PDXDC1: variants seen among roughly 807,000 people sequenced by gnomAD.
The protein encoded by PDXDC1 is pyridoxal dependent decarboxylase domain containing 1, also known as pyridoxal-dependent decarboxylase domain-containing protein 1.
In PDXDC1, 42 loss-of-function variants were observed where a neutral mutation model predicts 100.1. The ratio of observed to expected loss-of-function variants is 0.42; its 90% CI spans 0.33 to 0.54. The LOEUF is 0.54. Ranked by LOEUF, PDXDC1 falls within the 20% of genes least tolerant of loss-of-function variation. The pLI, the probability that PDXDC1 is intolerant of heterozygous loss-of-function variation, is 0.10. For missense variants in PDXDC1, 636 were observed against 979.2 expected, an observed-to-expected ratio of 0.65 and a Z score of 4.68; for synonymous variants, 260 against 371.7, an observed-to-expected ratio of 0.70 and a Z score of 3.46.
chr16:15,122,764 G>A (rs1428014099), intron 16 of PDXDC1, among the ~76,000 whole-genome samples: 1 of 145,448 alleles, frequency 6.9e-6, no homozygotes, highest in African/African-American at 2.5e-5. Flanking sequence ...AGAGGTGGAG[G>A]TGGCTTAGGG....
intron 16 of PDXDC1, among the ~76,000 whole-genome samples, chr16:15,073,663 G>A (rs146010070): frequency 2.6e-5 from 4 of 152,096 alleles, no homozygotes; most frequent in African/African-American, 9.7e-5. Context: ...CCTCTAATCC[G>A]ATCATTTTAC....
At position 15,111,976 on chromosome 16, in the gene PDXDC1, C is replaced by T. The variant is rs556479730; in HGVS notation, c.1400-26903C>T. ...TCCTTCCTGATCTGCACTGGAGCAT[C>T]TTTCTTCTGTCCCTGCTCTACTCAG... On this transcript the variant is annotated intron_variant, in intron 16 of 16. Transcript: ENST00000535621. Among the ~76,000 whole-genome samples the T allele has an allele frequency of 3.7e-4, 54 of 147,918 alleles. 2 individuals are homozygous for T. In the South Asian group the frequency reaches 0.012, roughly 32 times the overall value.
intron 16 of PDXDC1, among the ~76,000 whole-genome samples, chr16:15,102,580 G>A (rs996064780): frequency 7.3e-5 from 11 of 151,392 alleles, no homozygotes; most frequent in African/African-American, 2.7e-4. Context: ...CCAAGCTTGG[G>A]CACAGCCAGG....
chr16:15,152,162 C>T, the PDXDC1 span, among the ~76,000 whole-genome samples: 2 of 133,062 alleles, frequency 1.5e-5, no homozygotes, highest in African/African-American at 5.2e-5. Context: ...GCCTCAGAAG[C>T]CCCGGCTGTC....
intron 16 of PDXDC1, chr16:15,063,203 A>T (rs748730343): frequency 1.9e-6 from 3 of 1,605,194 alleles, no homozygotes; most frequent in Non-Finnish European, 1.7e-6. Flanking sequence ...GACCTTTTTC[A>T]TGGGTTTCTT....
intron 6 of PDXDC1, among the ~76,000 whole-genome samples, chr16:15,007,157 CTTTTTTTTTTTT>C (rs56256230): frequency 9.5e-5 from 7 of 73,950 alleles, no homozygotes; most frequent in East Asian, 7.5e-4. Context: ...AAGAGCATGA[CTTTTTTTTTTTT>C]TTTTTTTTTT....
chr16:15,111,987 C>T (rs1726019603), intron 16 of PDXDC1, among the ~76,000 whole-genome samples: 1 of 147,706 alleles, frequency 6.8e-6, no homozygotes, highest in African/African-American at 2.4e-5. Context: ...TTTCTTCTGT[C>T]CCTGCTCTAC....
At chr16:15,100,962 G>C (rs2046523575) in intron 16 of PDXDC1, among the ~76,000 whole-genome samples, 1 of 152,148 alleles carries the variant, frequency 6.6e-6, no homozygotes, top group Non-Finnish European at 1.5e-5. Context: ...TCCTGCAACA[G>C]GGACGCTATC....
At chr16:15,148,283 C>A in the PDXDC1 span, among the ~76,000 whole-genome samples, 1 of 151,664 alleles carries the variant, frequency 6.6e-6, no homozygotes, top group Admixed American at 6.6e-5. Context: ...TTCCGTTTCC[C>A]TCATGACTAA....
At chr16:15,001,557 A>G (rs1973157405) in intron 3 of PDXDC1, among the ~76,000 whole-genome samples, 3 of 152,420 alleles carry the variant, frequency 2.0e-5, no homozygotes, top group Admixed American at 1.3e-4. Flanking sequence ...TAGGTAGAAG[A>G]TTTATTTAAC....
chr16:15,074,262 AT>A (rs1293333108), intron 16 of PDXDC1, among the ~76,000 whole-genome samples: 1 of 152,202 alleles, frequency 6.6e-6, no homozygotes, highest in Non-Finnish European at 1.5e-5. Context: ...AGCAATGTGA[AT>A]GGAAAAAAAT....
At chr16:15,084,682 A>G (rs1410171387) in intron 16 of PDXDC1, 6 of 1,612,968 alleles carry the variant, frequency 3.7e-6, no homozygotes, top group Non-Finnish European at 4.2e-6. Context: ...GCTCTGTGAC[A>G]TGTGTCAAAA....
At chr16:15,131,999 G>A (rs559448143) in intron 16 of PDXDC1, among the ~76,000 whole-genome samples, 1 of 14,970 alleles carries the variant, frequency 6.7e-5, no homozygotes, top group African/African-American at 3.1e-4. Context: ...AGGGGGATAA[G>A]GGAGGGGAAG....
downstream of PDXDC1, among the ~76,000 whole-genome samples, chr16:15,140,598 C>G (rs1400779505): frequency 6.6e-6 from 1 of 152,144 alleles, no homozygotes; most frequent in Non-Finnish European, 1.5e-5. Flanking sequence ...TGTCAGCAGT[C>G]AGTGAAGAAA....
chr16:15,033,164 C>A, intron 18 of PDXDC1, 114 bp from the exon 19 acceptor site: 1 of 1,221,736 alleles, frequency 8.2e-7, no homozygotes, highest in Non-Finnish European at 1.2e-6. Flanking sequence ...CCCTTAGAAT[C>A]TCCATGGAGG....
chr16:15,044,589 C>G, intron 16 of PDXDC1: 1 of 602,234 alleles, frequency 1.7e-6, no homozygotes, highest in Non-Finnish European at 3.0e-6. Flanking sequence ...TGGCGAGCTT[C>G]TGGGGACCCT....
chr16:15,035,942 C>T, intron 22 of PDXDC1, 74 bp from the exon 23 acceptor site: 1 of 1,422,196 alleles, frequency 7.0e-7, no homozygotes, highest in Non-Finnish European at 9.6e-7. Context: ...AAGCAATTAT[C>T]TGTTGCAGAG....
intron 16 of PDXDC1, chr16:15,044,523 A>G (rs979987409): frequency 2.7e-6 from 2 of 736,158 alleles, no homozygotes; most frequent in Non-Finnish European, 4.8e-6. Flanking sequence ...GCAGAGCTGC[A>G]GGTCATCTTC....
intron 4 of PDXDC1, among the ~76,000 whole-genome samples, chr16:15,003,216 C>CTTTTTT (rs1217823601): frequency 7.4e-6 from 1 of 134,340 alleles, no homozygotes; most frequent in Non-Finnish European, 1.6e-5. Flanking sequence ...AGATTTAATT[C>CTTTTTT]TTTTTTTTTT....
Sources: allele counts gnomAD v4.1 joint callset (sites outside exome capture counted in the v4.1 genomes callset), GRCh38; gene constraint gnomAD v4.1.1; transcripts MANE v1.5; gene names NCBI Gene and HGNC (gene_info 2026-07-23, HGNC 2026-07-21).